Variants in NRG1 observed in about 807,000 individuals in gnomAD.
The protein encoded by NRG1 is pro-neuregulin-1, membrane-bound isoform.
NRG1 carries 18 observed loss-of-function variants against 63.8 expected under a neutral mutation model. The ratio of observed to expected loss-of-function variants is 0.28; its 90% CI spans 0.19 to 0.42. The LOEUF (loss-of-function observed/expected upper bound fraction) is 0.42, where lower values mean the gene tolerates loss of function less well. Ranked by LOEUF, NRG1 falls within the 10% of genes least tolerant of loss-of-function variation. The probability of loss-of-function intolerance (pLI) is 1.00; values close to 1 mark genes in which losing one functional copy is unlikely to be tolerated. For synonymous variants in NRG1, 302 were observed against 301.3 expected (o/e 1.00, Z -0.02); for missense variants, 762 against 814.7 (o/e 0.94, Z 0.79).
intron 1 of NRG1, among the ~76,000 whole-genome samples, chr8:32,209,153 A>G (rs1016532851): frequency 6.6e-6 from 1 of 152,138 alleles, no homozygotes; most frequent in Non-Finnish European, 1.5e-5. Context: ...AGGATGACCA[A>G]AGTTATAGAT....
chr8:32,747,488 T>C (rs186163432), intron 7 of NRG1, among the ~76,000 whole-genome samples: 1 of 152,188 alleles, frequency 6.6e-6, no homozygotes, highest in Admixed American at 6.5e-5. Flanking sequence ...TTTTGACCAA[T>C]TGAGTGTTGC....
chr8:32,637,029 A>G (rs769091400), intron 5 of NRG1, among the ~76,000 whole-genome samples: 8 of 152,258 alleles, frequency 5.3e-5, no homozygotes, highest in Non-Finnish European at 1.0e-4. Context: ...ACTATAGTAT[A>G]TCAAGATAGG....
rs116050747 is a variant in NRG1, at chr8:32,337,112, G to T, written c.38-258716G>T. Among the ~76,000 whole-genome samples the T allele has an allele frequency of 2.7e-3, 408 of 152,242 alleles. 2 individuals carry two copies. Among genetic ancestry groups the T allele is most frequent in the African/African-American group, 9.6e-3 (397 of 41,554 alleles). ...ATAATCTCAAACTCCTGTGCTCAAA[G>T]CTATCCTCCTGTCTCAGCCTCCCAA... On this transcript the variant is annotated intron_variant, in intron 1 of 10. Transcript: ENST00000519301.
chr8:31,717,438 A>C (rs1247075331), intron 1 of NRG1, among the ~76,000 whole-genome samples: 4 of 151,600 alleles, frequency 2.6e-5, no homozygotes, highest in African/African-American at 7.3e-5. Context: ...AAGAAAAACA[A>C]AAAAAGGATT....
chr8:32,740,437 T>A (rs1398023030), intron 6 of NRG1, among the ~76,000 whole-genome samples: 2 of 152,118 alleles, frequency 1.3e-5, no homozygotes, highest in African/African-American at 4.8e-5. Flanking sequence ...CTTGTTGTGA[T>A]CTTCCCACCT....
chr8:31,724,063 G>T (rs189704825), intron 1 of NRG1, among the ~76,000 whole-genome samples: 1 of 152,164 alleles, frequency 6.6e-6, no homozygotes, highest in Non-Finnish European at 1.5e-5. Context: ...TAATAAAAGT[G>T]AATTGATAAT....
At chr8:32,402,094 G>A (rs1216529391) in intron 1 of NRG1, among the ~76,000 whole-genome samples, 1 of 152,122 alleles carries the variant, frequency 6.6e-6, no homozygotes, top group South Asian at 2.1e-4. Context: ...GTATTTTTTA[G>A]TACAGATGGG....
chr8:31,983,963 C>A (rs1425733971), intron 1 of NRG1, among the ~76,000 whole-genome samples: 3 of 151,998 alleles, frequency 2.0e-5, no homozygotes, highest in African/African-American at 4.8e-5. Flanking sequence ...GGTAAATCAC[C>A]TTTTGATATC....
intron 1 of NRG1, among the ~76,000 whole-genome samples, chr8:31,849,512 G>A (rs1827013452): frequency 6.6e-6 from 1 of 152,228 alleles, no homozygotes; most frequent in Non-Finnish European, 1.5e-5. Context: ...TGGTGCAACA[G>A]CTGTCCACTG....
At chr8:32,205,038 G>T (rs535441587) in intron 1 of NRG1, among the ~76,000 whole-genome samples, 1 of 152,206 alleles carries the variant, frequency 6.6e-6, no homozygotes, top group Admixed American at 6.5e-5. Flanking sequence ...TGCAACCTTC[G>T]AACACCATTT....
intron 1 of NRG1, among the ~76,000 whole-genome samples, chr8:32,342,661 T>C (rs1804219422): frequency 6.6e-6 from 1 of 152,212 alleles, no homozygotes; most frequent in African/African-American, 2.4e-5. Context: ...TTCATATTCA[T>C]AGCATAAATT....
chr8:31,977,306 T>C (rs1478997860), intron 1 of NRG1, among the ~76,000 whole-genome samples: 2 of 152,158 alleles, frequency 1.3e-5, no homozygotes, highest in Admixed American at 1.3e-4. Context: ...CTGACTTCCC[T>C]TCTCTTTTGT....
chr8:31,770,245 ACTT>A (rs1818477678), intron 1 of NRG1, among the ~76,000 whole-genome samples: 1 of 152,140 alleles, frequency 6.6e-6, no homozygotes. Flanking sequence ...GTTAAGAAAA[ACTT>A]CTGATACTAA....
intron 1 of NRG1, among the ~76,000 whole-genome samples, chr8:32,349,456 C>A (rs1805317151): frequency 6.6e-6 from 1 of 152,064 alleles, no homozygotes; most frequent in African/African-American, 2.4e-5. Flanking sequence ...TATGAGTAGT[C>A]AAGGTACCAT....
At chr8:31,851,395 G>C (rs1827199636) in intron 1 of NRG1, among the ~76,000 whole-genome samples, 2 of 152,196 alleles carry the variant, frequency 1.3e-5, no homozygotes, top group South Asian at 4.1e-4. Context: ...ATGATGCCTG[G>C]TTGGTGAAAG....
chr8:32,732,356 T>G (rs760954718), intron 6 of NRG1, among the ~76,000 whole-genome samples: 42 of 152,310 alleles, frequency 2.8e-4, no homozygotes, highest in Middle Eastern at 3.4e-3. Context: ...CTTTTCTCTA[T>G]TCTTGTGTAT....
Position 31,902,502 on chromosome 8 carries a change from A to G in NRG1, c.37+263071A>G, listed in dbSNP as rs564591448. On this transcript the variant is annotated intron_variant, in intron 1 of 10. Transcript: ENST00000519301. ...AACCATTCAATACGTAAAAATATTT[A>G]GGTGAAAACTTTGCTTGCCAAAGTT... 5.2e-3 allele frequency among the ~76,000 whole-genome samples: 792 copies of G among 152,310 alleles called. 3 individuals are homozygous for G. The highest frequency in any genetic ancestry group is 9.2e-3 in the Non-Finnish European group (627 of 68,020).
In NRG1 at chr8:32,532,597, T is replaced by A. The variant is rs149786410; in HGVS notation, c.38-63231T>A. Among the ~76,000 whole-genome samples, 602 of 152,266 alleles carry A rather than the reference T, an allele frequency of 4.0e-3. 6 individuals carry two copies. Among genetic ancestry groups the A allele is most frequent in the African/African-American group, 0.012 (490 of 41,588 alleles). The stretch of plus-strand genomic sequence containing the variant: ...TGCTTTATTTAAGATATATGATTTT[T>A]ATTTTAATTGACATTTTAGACAATG... On this transcript the variant is annotated intron_variant, in intron 1 of 10. Transcript: ENST00000519301.
At chr8:32,743,996 A>G (rs1379644941) in intron 7 of NRG1, among the ~76,000 whole-genome samples, 3 of 152,062 alleles carry the variant, frequency 2.0e-5, no homozygotes, top group Admixed American at 6.6e-5. Flanking sequence ...ACAAAAGCAG[A>G]CAGTGGGCTG....
Sources: gnomAD v4.1 joint callset for allele counts (sites outside exome capture counted in the v4.1 genomes callset) on GRCh38, gnomAD v4.1.1 for gene constraint, MANE v1.5 for transcripts, NCBI Gene and HGNC (gene_info 2026-07-23, HGNC 2026-07-21) for gene names.